Variants in DGKB observed in about 807,000 individuals in gnomAD.
DGKB encodes diacylglycerol kinase beta.
A neutral mutation model predicts 114.3 loss-of-function variants in DGKB; 67 were observed. The observed-to-expected ratio is 0.59, with a 90% confidence interval of 0.48 to 0.72. DGKB has a LOEUF of 0.72. Among genes scored for constraint, DGKB ranks in the 30% least tolerant of loss-of-function variants. The pLI is 0.00. For synonymous variants in DGKB, 398 were observed against 323.1 expected, an observed-to-expected ratio of 1.23 and a Z score of -2.49; for missense variants, 907 against 975.2, an observed-to-expected ratio of 0.93 and a Z score of 0.93.
chr7:14,369,124 T>G (rs150857097), intron 21 of DGKB, among the ~76,000 whole-genome samples: 1 of 151,658 alleles, frequency 6.6e-6, no homozygotes, highest in Non-Finnish European at 1.5e-5. Context: ...CCTGTGTCCA[T>G]GTATTCTCAT....
intron 21 of DGKB, among the ~76,000 whole-genome samples, chr7:14,369,324 T>C (rs561639422): frequency 2.0e-5 from 3 of 152,164 alleles, no homozygotes; most frequent in Non-Finnish European, 4.4e-5. Flanking sequence ...CTATCATTGA[T>C]GGGCATTTGG....
In DGKB at chr7:14,749,656, G is replaced by A. The variant is rs182520056; in HGVS notation, c.168+4272C>T. ...CTTCAGCTGAAATCTATTTTAATCTGGTGTGACACTGTCTTGTCACACCAA... is the reference window on the plus strand; with the variant it reads ...CTTCAGCTGAAATCTATTTTAATCTAGTGTGACACTGTCTTGTCACACCAA... On this transcript the variant is annotated intron_variant, in intron 4 of 25. Transcript: ENST00000402815. 2.8e-3 allele frequency among the ~76,000 whole-genome samples: 419 copies of A among 152,064 alleles called. 2 individuals are homozygous for A. Among genetic ancestry groups the A allele is most frequent in the African/African-American group, 9.3e-3 (385 of 41,498 alleles).
chr7:14,880,838 A>G (rs1267893625), intron 1 of DGKB, among the ~76,000 whole-genome samples: 4 of 152,184 alleles, frequency 2.6e-5, no homozygotes, highest in African/African-American at 9.7e-5. Flanking sequence ...TACATAATAT[A>G]TAGGGAATAA....
At chr7:14,693,602 G>T (rs991231564) in intron 9 of DGKB, among the ~76,000 whole-genome samples, 1 of 150,616 alleles carries the variant, frequency 6.6e-6, no homozygotes, top group East Asian at 2.0e-4. Context: ...GGCAGAAAAC[G>T]CAATGACTTT....
At chr7:14,964,750 G>C (rs910332210) in intron 1 of DGKB, among the ~76,000 whole-genome samples, 2 of 152,108 alleles carry the variant, frequency 1.3e-5, no homozygotes, top group African/African-American at 4.8e-5. Flanking sequence ...GGAATTGACT[G>C]TTGGTCATTA....
chr7:14,729,136 T>C (rs1308634794), intron 5 of DGKB, among the ~76,000 whole-genome samples: 12 of 147,240 alleles, frequency 8.1e-5, no homozygotes, highest in Non-Finnish European at 1.6e-4. Flanking sequence ...TTTTTTTTTT[T>C]TTTTTTGATG....
At chr7:14,233,129 A>G (rs949811048) in intron 23 of DGKB, among the ~76,000 whole-genome samples, 1 of 152,070 alleles carries the variant, frequency 6.6e-6, no homozygotes, top group Admixed American at 6.6e-5. Flanking sequence ...AGAGGGGAAC[A>G]CACTGAAGAT....
At chr7:14,155,291 C>G (rs943374139) in intron 25 of DGKB, among the ~76,000 whole-genome samples, 9 of 151,982 alleles carry the variant, frequency 5.9e-5, no homozygotes, top group African/African-American at 2.2e-4. Context: ...TACCAGCCTA[C>G]CTTATTTTAG....
At chr7:14,643,965 T>A (rs927268279) in intron 13 of DGKB, among the ~76,000 whole-genome samples, 1 of 152,162 alleles carries the variant, frequency 6.6e-6, no homozygotes, top group Non-Finnish European at 1.5e-5. Flanking sequence ...CAGGGTCTAC[T>A]GCCACCAACA....
chr7:14,620,076 A>C (rs568576600), intron 15 of DGKB, among the ~76,000 whole-genome samples: 1 of 151,552 alleles, frequency 6.6e-6, no homozygotes. Context: ...TTATAGGATA[A>C]TTTAATTAAT....
In DGKB at chr7:14,178,145, C is replaced by T. The variant is rs368501786; in HGVS notation, c.2129G>A (p.Ser710Asn). Residue 710 changes from serine (S) to asparagine (N), a missense_variant, in exon 24 of 26, where the codon AGT (serine) becomes AAT (asparagine). This residue lies in a region of DGKB where 814 missense variants were observed against 856.6 expected (regional missense o/e 0.95). Coordinates refer to ENST00000402815, the MANE Select transcript of DGKB (RefSeq NM_001350709.2). ...KELKFASQDL[S>N]DQLLEVVGLE... Reference sequence around the variant, plus strand: ...GCCGACCACCTCCAGCAGCTGGTCACTGAGATCTGAAAGAAAGTAGATGCC... The same window carrying T: ...GCCGACCACCTCCAGCAGCTGGTCATTGAGATCTGAAAGAAAGTAGATGCC... 1.6e-5 allele frequency: 26 copies of T among 1,613,302 alleles called. No homozygotes were observed. The highest frequency in any genetic ancestry group is 2.0e-5 in the Non-Finnish European group (24 of 1,179,736).
intron 23 of DGKB, among the ~76,000 whole-genome samples, chr7:14,197,112 T>A (rs1785139621): frequency 6.6e-6 from 1 of 152,114 alleles, no homozygotes; most frequent in Non-Finnish European, 1.5e-5. Flanking sequence ...TTCAAGGAGT[T>A]GCTTTGTGGG....
chr7:14,917,318 C>CA (rs760916405), intron 1 of DGKB, among the ~76,000 whole-genome samples: 6 of 151,404 alleles, frequency 4.0e-5, no homozygotes, highest in Admixed American at 6.6e-5. Context: ...AAATCAATAG[C>CA]AAAAAAATCA....
chr7:14,232,778 G>A (rs1792111409), intron 23 of DGKB, among the ~76,000 whole-genome samples: 1 of 151,998 alleles, frequency 6.6e-6, no homozygotes, highest in African/African-American at 2.4e-5. Context: ...GGGTTTCATT[G>A]CTCTCAAAAT....
intron 20 of DGKB, among the ~76,000 whole-genome samples, chr7:14,539,521 T>C (rs1034590615): frequency 1.3e-5 from 2 of 152,164 alleles, no homozygotes; most frequent in African/African-American, 4.8e-5. Context: ...AATGGGTTAA[T>C]CATGTGGTAT....
At chr7:14,853,006 G>A (rs1260470306) in intron 1 of DGKB, among the ~76,000 whole-genome samples, 3 of 151,936 alleles carry the variant, frequency 2.0e-5, no homozygotes, top group African/African-American at 4.8e-5. Flanking sequence ...ATTCAGTAAC[G>A]AGCACTTCCT....
At chr7:14,163,905 G>C (rs1013477756) in intron 25 of DGKB, among the ~76,000 whole-genome samples, 6 of 151,960 alleles carry the variant, frequency 3.9e-5, no homozygotes, top group Admixed American at 2.0e-4. Context: ...TGAGGCAGGA[G>C]AATCGCTTGA....
At chr7:14,410,724 T>C (rs1583725254) in intron 21 of DGKB, among the ~76,000 whole-genome samples, 1 of 152,094 alleles carries the variant, frequency 6.6e-6, no homozygotes, top group African/African-American at 2.4e-5. Context: ...ACATCTGAGC[T>C]ACATAAATAT....
intron 1 of DGKB, among the ~76,000 whole-genome samples, chr7:14,877,331 G>A (rs942133873): frequency 1.3e-5 from 2 of 152,234 alleles, no homozygotes; most frequent in Non-Finnish European, 2.9e-5. Context: ...TGAGGCTGGC[G>A]GATCACCTGA....
Sources: gnomAD v4.1 joint callset for allele counts (sites outside exome capture counted in the v4.1 genomes callset) on GRCh38, gnomAD v4.1.1 for gene constraint, gnomAD v4.1.1 regional missense constraint, MANE v1.5 for transcripts, NCBI Gene and HGNC (gene_info 2026-07-23, HGNC 2026-07-21) for gene names.